VTI1A: variants seen among roughly 807,000 people sequenced by gnomAD.
VTI1A encodes the protein vesicle transport through interaction with t-SNAREs homolog 1A.
Under a neutral mutation model 34.9 loss-of-function variants are expected in VTI1A, and 22 were observed. The ratio of observed to expected loss-of-function variants is 0.63; its 90% CI spans 0.45 to 0.90. The LOEUF (loss-of-function observed/expected upper bound fraction) is 0.90. Ranked by LOEUF, VTI1A falls within the 40% of genes least tolerant of loss-of-function variation. VTI1A has a pLI of 0.00. For synonymous variants in VTI1A, 87 were observed against 97.3 expected (o/e 0.89, Z 0.62); for missense variants, 268 against 275.6 (o/e 0.97, Z 0.20).
intron 5 of VTI1A, among the ~76,000 whole-genome samples, chr10:112,657,321 A>C (rs1847266088): frequency 6.6e-6 from 1 of 152,160 alleles, no homozygotes; most frequent in Non-Finnish European, 1.5e-5. Flanking sequence ...TATTCAGTAT[A>C]TCTATACTTT....
Position 112,629,924 on chromosome 10 carries a change from G to A in VTI1A, c.428-38294G>A, listed in dbSNP as rs978271690. 1.6e-4 allele frequency among the ~76,000 whole-genome samples: 24 copies of A among 152,142 alleles called. 1 individual carries two copies. The highest frequency in any genetic ancestry group is 5.5e-4 in the African/African-American group (23 of 41,506). ...ACAGTGGACAACTTTGTGACTACTG[G>A]ATTTTTTTAAACGAAGATGATTTTT... On this transcript the variant is annotated intron_variant, in intron 5 of 7. Transcript: ENST00000393077.
chr10:112,584,487 G>A (rs972180788), intron 5 of VTI1A, among the ~76,000 whole-genome samples: 3 of 152,200 alleles, frequency 2.0e-5, no homozygotes, highest in African/African-American at 7.2e-5. Context: ...CACTTCTGGA[G>A]AGAAGATGAG....
At chr10:112,455,169 T>C (rs1370631974) in intron 1 of VTI1A, among the ~76,000 whole-genome samples, 14 of 3,988 alleles carry the variant, frequency 3.5e-3, no homozygotes, top group African/African-American at 5.0e-3. Flanking sequence ...CCTCCTCCCC[T>C]CCTCCCCTCC....
the VTI1A span, among the ~76,000 whole-genome samples, chr10:112,844,946 T>C: frequency 6.6e-6 from 1 of 152,226 alleles, no homozygotes; most frequent in Admixed American, 6.5e-5. Context: ...AAATGTACTT[T>C]GGAGTTCCAT....
chr10:112,709,397 G>T (rs1454688355), intron 7 of VTI1A, among the ~76,000 whole-genome samples: 1 of 152,020 alleles, frequency 6.6e-6, no homozygotes, highest in African/African-American at 2.4e-5. Context: ...GCTGGCCTAG[G>T]CCTCTGCTGG....
chr10:112,455,589 G>A (rs1411775343), intron 1 of VTI1A, among the ~76,000 whole-genome samples: 4 of 48,652 alleles, frequency 8.2e-5, no homozygotes, highest in African/African-American at 8.8e-5. Flanking sequence ...CCTTCCTCCC[G>A]CCCTCCTTCT....
At position 112,543,448 on chromosome 10, in the gene VTI1A, A is replaced by T. The variant is rs141256061; in HGVS notation, c.427+5118A>T. Among the ~76,000 whole-genome samples, 273 of 152,200 alleles carry T rather than the reference A, an allele frequency of 1.8e-3. 8 individuals are homozygous for T. The East Asian group carries it at 0.042, about 23-fold the overall frequency. The stretch of plus-strand genomic sequence containing the variant: ...GGCCAGTGATGATGAGCATTTTTTC[A>T]TATGTCTGTTGGCTGTATAAATGTC... On this transcript the variant is annotated intron_variant, in intron 5 of 7. Coordinates refer to ENST00000393077, the MANE Select transcript of VTI1A (RefSeq NM_145206.4).
chr10:112,481,357 A>G (rs867538200), intron 3 of VTI1A, among the ~76,000 whole-genome samples: 6 of 152,198 alleles, frequency 3.9e-5, no homozygotes, highest in East Asian at 1.9e-4. Context: ...TAAATTTTCA[A>G]TTAAGCTTAA....
chr10:112,520,590 A>G (rs564643792), intron 3 of VTI1A, among the ~76,000 whole-genome samples: 1 of 150,556 alleles, frequency 6.6e-6, no homozygotes, highest in Non-Finnish European at 1.5e-5. Context: ...ATTATTCCAT[A>G]TGGATTGCAA....
chr10:112,651,450 A>G (rs1847012799), intron 5 of VTI1A, among the ~76,000 whole-genome samples: 1 of 152,176 alleles, frequency 6.6e-6, no homozygotes, highest in Non-Finnish European at 1.5e-5. Flanking sequence ...AGCTGGGATT[A>G]CAGGCATGCA....
At chr10:112,794,657 T>C (rs1002792612) in intron 7 of VTI1A, among the ~76,000 whole-genome samples, 5 of 152,228 alleles carry the variant, frequency 3.3e-5, no homozygotes, top group African/African-American at 1.2e-4. Context: ...TTCCGATTTC[T>C]GTTTTACATT....
intron 5 of VTI1A, among the ~76,000 whole-genome samples, chr10:112,664,257 T>C (rs1847564524): frequency 6.6e-6 from 1 of 152,218 alleles, no homozygotes; most frequent in Non-Finnish European, 1.5e-5. Context: ...AAATGGGACA[T>C]TTCCTGGTGA....
chr10:112,572,421 T>C (rs1852159645), intron 5 of VTI1A, among the ~76,000 whole-genome samples: 1 of 152,142 alleles, frequency 6.6e-6, no homozygotes, highest in African/African-American at 2.4e-5. Context: ...CTCTCAGCCC[T>C]CACCAGAAGA....
intron 5 of VTI1A, among the ~76,000 whole-genome samples, chr10:112,568,596 C>T (rs367880934): frequency 6.6e-6 from 1 of 152,084 alleles, no homozygotes; most frequent in Admixed American, 6.5e-5. Flanking sequence ...GAGAAGTGTT[C>T]TGTAAATGAT....
chr10:112,521,545 A>G (rs1316629364), intron 3 of VTI1A, among the ~76,000 whole-genome samples: 1 of 151,994 alleles, frequency 6.6e-6, no homozygotes, highest in Non-Finnish European at 1.5e-5. Context: ...AATCTTCACA[A>G]CAGCCCTAGG....
At chr10:112,675,325 A>G (rs1847985534) in intron 7 of VTI1A, among the ~76,000 whole-genome samples, 1 of 152,218 alleles carries the variant, frequency 6.6e-6, no homozygotes, top group South Asian at 2.1e-4. Flanking sequence ...CAGGGTCTAC[A>G]TAAGTCATCT....
chr10:112,765,114 T>C (rs1851601386), intron 7 of VTI1A, among the ~76,000 whole-genome samples: 1 of 152,254 alleles, frequency 6.6e-6, no homozygotes, highest in South Asian at 2.1e-4. Context: ...TTATTATACC[T>C]GTTTCCTAGT....
intron 7 of VTI1A, among the ~76,000 whole-genome samples, chr10:112,743,907 C>G (rs1359104136): frequency 6.6e-6 from 1 of 152,126 alleles, no homozygotes; most frequent in South Asian, 2.1e-4. Flanking sequence ...TACAGTGAAG[C>G]CCCTGTTCAA....
chr10:112,546,288 A>T (rs1851124873), intron 5 of VTI1A, among the ~76,000 whole-genome samples: 1 of 152,062 alleles, frequency 6.6e-6, no homozygotes. Flanking sequence ...ACTCCTGGCC[A>T]GGCATGGTGG....
Sources: allele counts gnomAD v4.1 joint callset (sites outside exome capture counted in the v4.1 genomes callset), GRCh38; gene constraint gnomAD v4.1.1; transcripts MANE v1.5; gene names NCBI Gene and HGNC (gene_info 2026-07-23, HGNC 2026-07-21).